The following KPNA3 variants were observed in gnomAD, a reference collection of about 807,000 sequenced individuals.
The protein encoded by KPNA3 is karyopherin subunit alpha 3, also known as importin subunit alpha-4.
Under a neutral mutation model 73.8 loss-of-function variants are expected in KPNA3, and 13 were observed. That is an observed-to-expected ratio of 0.18 (90% CI 0.11 to 0.28). KPNA3 has a LOEUF of 0.28. KPNA3 is among the 10% of genes least tolerant of loss of function. The pLI, the probability that KPNA3 is intolerant of heterozygous loss-of-function variation, is 1.00. For synonymous variants in KPNA3, 186 were observed against 206.9 expected, an observed-to-expected ratio of 0.90 and a Z score of 0.87; for missense variants, 360 against 618.1, an observed-to-expected ratio of 0.58 and a Z score of 4.43.
chr13:49,761,376 T>C (rs560872774), intron 1 of KPNA3, among the ~76,000 whole-genome samples: 3 of 152,338 alleles, frequency 2.0e-5, no homozygotes, highest in East Asian at 1.9e-4. Context: ...GTGCCTGCGA[T>C]TGCAGGCGCA....
intron 12 of KPNA3, among the ~76,000 whole-genome samples, chr13:49,707,858 T>C (rs1594428961): frequency 6.6e-6 from 1 of 152,184 alleles, no homozygotes; most frequent in African/African-American, 2.4e-5. Flanking sequence ...AACAGTCAAA[T>C]TATACTCAAG....
rs750213374 is a variant in KPNA3, at chr13:49,701,949, T to C, written c.1468-51A>G. The C allele has an allele frequency of 9.0e-6, 11 of 1,219,238 alleles. No homozygotes were observed. The South Asian group carries it at 9.1e-5, about 10-fold the overall frequency. The allele number at this position is 1,219,238 out of a possible 1,614,324, so 75.5% of individuals were successfully genotyped here. A position where few individuals can be genotyped will look rare whatever the true frequency, so the allele number is the denominator to read the frequency against. On this transcript the variant is annotated intron_variant, in intron 16 of 16. Coordinates refer to ENST00000261667, the MANE Select transcript of KPNA3 (RefSeq NM_002267.4). ...TATTAGGTTATGATACTATACATTATGATGTAAGTGGAATTGACTTTTTAC... is the reference window on the plus strand; with the variant it reads ...TATTAGGTTATGATACTATACATTACGATGTAAGTGGAATTGACTTTTTAC...
chr13:49,703,924 CTA>C (rs574353426), intron 15 of KPNA3, among the ~76,000 whole-genome samples: 51 of 152,226 alleles, frequency 3.4e-4, no homozygotes, highest in African/African-American at 1.2e-3. Context: ...CCTATTACTC[CTA>C]TAGACAAAAG....
chr13:49,769,961 T>A (rs1954839654), intron 1 of KPNA3, among the ~76,000 whole-genome samples: 1 of 152,208 alleles, frequency 6.6e-6, no homozygotes, highest in African/African-American at 2.4e-5. Flanking sequence ...CTCTTGCTTT[T>A]GATTTGCACT....
rs1954863514 is a variant in KPNA3, at chr13:49,772,503, A to G, written c.69+19935T>C. ...CAACCACCTTGGAAAAGAATTTCAAAGTTTCTAAATACTGTTGGGCTGGGC... is the reference window on the plus strand; with the variant it reads ...CAACCACCTTGGAAAAGAATTTCAAGGTTTCTAAATACTGTTGGGCTGGGC... On this transcript the variant is annotated intron_variant, in intron 1 of 16. Transcript: ENST00000261667. 1.3e-5 allele frequency among the ~76,000 whole-genome samples: 2 copies of G among 152,314 alleles called. 1 individual carries two copies. The highest frequency in any genetic ancestry group is 4.1e-4 in the South Asian group (2 of 4,826).
In KPNA3 at chr13:49,705,634, T is replaced by C. The variant is rs1288924141; in HGVS notation, c.1359A>G (p.Ile453Met). 1 of 1,614,032 alleles carries C rather than the reference T, an allele frequency of 6.2e-7. No homozygotes were observed. The highest frequency in any genetic ancestry group is 1.1e-5 in the South Asian group (1 of 91,056). The change falls in exon 15 of 17, where the codon ATA (isoleucine) becomes ATG (methionine). Residue 453 changes from isoleucine to methionine, a missense_variant. Ile to Met is a conservative substitution (Grantham distance 10). Coordinates refer to ENST00000261667, the MANE Select transcript of KPNA3 (RefSeq NM_002267.4). ...ATCCACTCTTACCTCCACATTCCTC[T>C]ATTATTTCAGCTATTGTGCTTGCTT... ...GDEASTIAEIIEECGGLEKIE... is the reference protein window; with the variant it reads ...GDEASTIAEIMEECGGLEKIE...
At position 49,706,173 on chromosome 13, in the gene KPNA3, A is replaced by C. The variant is rs756179324; in HGVS notation, c.1138-4T>G. On this transcript the variant is annotated splice_region_variant and splice_polypyrimidine_tract_variant and intron_variant, in intron 13 of 16. Coordinates refer to ENST00000261667, the MANE Select transcript of KPNA3 (RefSeq NM_002267.4). ...CTTTTTGTGTTCCAAAGTCCCCCTG[A>C]AGGTTAAAAATGAGATCATAAAATG... 6.2e-7 allele frequency: 1 copy of C among 1,613,680 alleles called. No homozygotes were observed. The highest frequency in any genetic ancestry group is 8.5e-7 in the Non-Finnish European group (1 of 1,179,884).
At chr13:49,715,795 A>G (rs1457356773) in intron 10 of KPNA3, among the ~76,000 whole-genome samples, 3 of 152,222 alleles carry the variant, frequency 2.0e-5, no homozygotes, top group Admixed American at 6.5e-5. Context: ...TTCTAAGAAT[A>G]TACCCTGAAG....
At chr13:49,714,660 C>G (rs919463202) in intron 10 of KPNA3, among the ~76,000 whole-genome samples, 1 of 151,894 alleles carries the variant, frequency 6.6e-6, no homozygotes, top group Non-Finnish European at 1.5e-5. Context: ...ATAAATTGTT[C>G]CAGAGTACAG....
intron 1 of KPNA3, among the ~76,000 whole-genome samples, chr13:49,756,796 G>C (rs1455547930): frequency 1.3e-5 from 2 of 152,178 alleles, no homozygotes; most frequent in African/African-American, 2.4e-5. Context: ...AATCAATCTA[G>C]CCAATTTCAA....
At chr13:49,733,282 G>GCTTT (rs1864866105) in intron 2 of KPNA3, among the ~76,000 whole-genome samples, 1 of 100,918 alleles carries the variant, frequency 9.9e-6, no homozygotes, top group African/African-American at 3.7e-5. Context: ...CCACTGTGGT[G>GCTTT]TTTTTTTTTT....
chr13:49,773,181 A>C (rs1954869251), intron 1 of KPNA3, among the ~76,000 whole-genome samples: 1 of 152,212 alleles, frequency 6.6e-6, no homozygotes. Flanking sequence ...CAATGAAAGA[A>C]AGCAGATTAA....
chr13:49,770,609 A>G (rs1954845216), intron 1 of KPNA3, among the ~76,000 whole-genome samples: 1 of 151,762 alleles, frequency 6.6e-6, no homozygotes, highest in African/African-American at 2.4e-5. Flanking sequence ...TGCCAAGGTT[A>G]CAAAGATCTA....
intron 1 of KPNA3, among the ~76,000 whole-genome samples, chr13:49,776,639 T>C (rs1479077497): frequency 6.6e-6 from 1 of 152,204 alleles, no homozygotes; most frequent in African/African-American, 2.4e-5. Flanking sequence ...AAAATAACTA[T>C]AAGTGAATAC....
At chr13:49,788,000 A>T (rs765340443) in intron 1 of KPNA3, among the ~76,000 whole-genome samples, 37 of 152,326 alleles carry the variant, frequency 2.4e-4, no homozygotes, top group Admixed American at 7.2e-4. Context: ...AAGCTTTGAT[A>T]TATTGTAAGT....
At chr13:49,767,203 G>C (rs1379219302) in intron 1 of KPNA3, among the ~76,000 whole-genome samples, 2 of 151,752 alleles carry the variant, frequency 1.3e-5, no homozygotes, top group African/African-American at 4.8e-5. Flanking sequence ...GATCACTTGA[G>C]GTCAGGAGTT....
chr13:49,761,532 C>T, intron 1 of KPNA3, among the ~76,000 whole-genome samples: 1 of 152,280 alleles, frequency 6.6e-6, no homozygotes, highest in Non-Finnish European at 1.5e-5. Flanking sequence ...GAGTCTCGTT[C>T]ACTCAGTGCT....
intron 7 of KPNA3, among the ~76,000 whole-genome samples, chr13:49,723,883 A>AAGAAAAG (rs1566339172): frequency 6.6e-6 from 1 of 151,288 alleles, no homozygotes; most frequent in Non-Finnish European, 1.5e-5. Context: ...AAAAAAAAAA[A>AAGAAAAG]AGAAAAGAAA....
chr13:49,724,599 A>C (rs1309414446), intron 7 of KPNA3, among the ~76,000 whole-genome samples: 1 of 149,790 alleles, frequency 6.7e-6, no homozygotes, highest in Non-Finnish European at 1.5e-5. Context: ...GAGCCACTGC[A>C]CCCAGCCTTT....
Sources: allele counts gnomAD v4.1 joint callset (sites outside exome capture counted in the v4.1 genomes callset), GRCh38; gene constraint gnomAD v4.1.1; transcripts MANE v1.5; gene names NCBI Gene and HGNC (gene_info 2026-07-23, HGNC 2026-07-21).